Variants in KIF13A observed in about 807,000 individuals in gnomAD.
KIF13A encodes the protein kinesin-like protein KIF13A.
A neutral mutation model predicts 212.2 loss-of-function variants in KIF13A; 79 were observed. That is an observed-to-expected ratio of 0.37 (90% CI 0.31 to 0.45). KIF13A has a LOEUF of 0.45. Among genes scored for constraint, KIF13A ranks in the 20% least tolerant of loss-of-function variants. KIF13A has a pLI of 1.00. For synonymous variants in KIF13A, 789 were observed against 808.6 expected, an observed-to-expected ratio of 0.98 and a Z score of 0.41; for missense variants, 1,901 against 2,209.0, an observed-to-expected ratio of 0.86 and a Z score of 2.79.
At position 17,787,013 on chromosome 6, in the gene KIF13A, A is replaced by T. The variant is rs1427527856; in HGVS notation, c.3361+763T>A. Among the ~76,000 whole-genome samples, 2 of 152,146 alleles carry T rather than the reference A, an allele frequency of 1.3e-5. No homozygotes were observed. ...TAGCATAAGCAAACTGCACCCTTGG[A>T]GCTGAGTGGCAGTGAATAGAGTTGT... On this transcript the variant is annotated intron_variant, in intron 27 of 38. Coordinates refer to ENST00000259711, the MANE Select transcript of KIF13A (RefSeq NM_022113.6). The surrounding 1 kb of genome is among the most constrained non-coding windows in gnomAD (Gnocchi z 4.6).
intron 3 of KIF13A, among the ~76,000 whole-genome samples, chr6:17,885,791 C>T (rs867858366): frequency 2.9e-4 from 44 of 152,210 alleles, no homozygotes; most frequent in African/African-American, 1.0e-3. Context: ...CAATGAAGCA[C>T]TAATTCAGTT....
Position 17,871,736 on chromosome 6 carries a change from G to T in KIF13A, c.220+1641C>A, listed in dbSNP as rs183813747. Among the ~76,000 whole-genome samples the T allele has an allele frequency of 1.9e-4, 29 of 152,260 alleles. No individual in the cohort carries two copies. Among genetic ancestry groups the T allele is most frequent in the African/African-American group, 6.5e-4 (27 of 41,572 alleles). ...GTCCAAAGAGTATAGATTTTTTCTA[G>T]CATGTGATGAGGAGTCCTGGAAAGT... On this transcript the variant is annotated intron_variant, in intron 4 of 38. Coordinates refer to ENST00000259711, the MANE Select transcript of KIF13A (RefSeq NM_022113.6). This position sits in a 1 kb window ranked among gnomAD's most constrained non-coding sequence, Gnocchi z 4.4.
intron 6 of KIF13A, among the ~76,000 whole-genome samples, chr6:17,853,550 C>T (rs191840881): frequency 2.7e-4 from 41 of 152,274 alleles, no homozygotes; most frequent in Non-Finnish European, 4.0e-4. Flanking sequence ...TATAACAATG[C>T]TTTCAGAGCA....
chr6:17,774,019 T>G (rs1223309922), intron 35 of KIF13A, among the ~76,000 whole-genome samples: 1 of 152,176 alleles, frequency 6.6e-6, no homozygotes, highest in Non-Finnish European at 1.5e-5. Flanking sequence ...CAAGGCAAAT[T>G]TGGCAGTGTG....
chr6:17,977,306 A>G (rs953916241), intron 2 of KIF13A, among the ~76,000 whole-genome samples: 1 of 152,118 alleles, frequency 6.6e-6, no homozygotes, highest in East Asian at 1.9e-4. Context: ...AAATATGGAA[A>G]TTATCAACTT....
chr6:17,796,769 C>T lies in KIF13A; in HGVS notation c.2842G>A (p.Ala948Thr). The stretch of plus-strand genomic sequence containing the variant: ...TGGCCCCATACTTCAATGGCCAGTG[C>T]TCCATCTGAAATGAACTCCAGAAAT... ...EEFLEFISDG[A>T]LAIEVWGHRC... Residue 948 changes from alanine to threonine, a missense_variant, in exon 23 of 39, where the codon GCA becomes ACA. Around this residue, in one of 5 missense-constraint regions of KIF13A, gnomAD observed 534 missense variants for 536.9 expected, o/e 0.99. Coordinates refer to ENST00000259711, the MANE Select transcript of KIF13A (RefSeq NM_022113.6). 6.3e-7 allele frequency: 1 copy of T among 1,580,036 alleles called. No homozygotes were observed. Among genetic ancestry groups the T allele is most frequent in the African/African-American group, 1.4e-5 (1 of 73,216 alleles).
intron 2 of KIF13A, among the ~76,000 whole-genome samples, chr6:17,965,296 ATAAG>A (rs1385320420): frequency 1.3e-5 from 2 of 150,952 alleles, no homozygotes; most frequent in African/African-American, 4.9e-5. Context: ...TAGGTGATAA[ATAAG>A]TGTTGTTTCC....
chr6:17,958,497 T>C (rs1473972967), intron 2 of KIF13A, among the ~76,000 whole-genome samples: 1 of 152,210 alleles, frequency 6.6e-6, no homozygotes, highest in Admixed American at 6.5e-5. Context: ...ACACAGTCTG[T>C]GGCTTATAAC....
chr6:17,944,850 T>C (rs774093272), intron 2 of KIF13A, among the ~76,000 whole-genome samples: 7 of 152,188 alleles, frequency 4.6e-5, no homozygotes, highest in Middle Eastern at 6.8e-3. Context: ...AATTACTATC[T>C]ATAAAGAAAA....
chr6:17,906,907 G>A (rs2150497044), intron 2 of KIF13A, among the ~76,000 whole-genome samples: 1 of 152,284 alleles, frequency 6.6e-6, no homozygotes, highest in Non-Finnish European at 1.5e-5. Context: ...GACACTCATG[G>A]TCTGGATACA....
intron 17 of KIF13A, among the ~76,000 whole-genome samples, chr6:17,814,400 G>A (rs6912600): frequency 6.6e-6 from 1 of 151,784 alleles, no homozygotes; most frequent in African/African-American, 2.4e-5. Context: ...AGGTGCCCAC[G>A]ACCGCACCTG....
At chr6:17,767,628 T>G (rs996432629) in intron 38 of KIF13A, among the ~76,000 whole-genome samples, 1 of 152,206 alleles carries the variant, frequency 6.6e-6, no homozygotes, top group African/African-American at 2.4e-5. Flanking sequence ...ATTCTCCAAG[T>G]CCAAGCATAC....
At chr6:17,880,710 C>G (rs1770990701) in intron 3 of KIF13A, among the ~76,000 whole-genome samples, 1 of 150,406 alleles carries the variant, frequency 6.6e-6, no homozygotes, top group African/African-American at 2.4e-5. Context: ...TCACAGTTCA[C>G]TGTAACCTCA....
chr6:17,889,463 TAAACA>T (rs1359841199), intron 3 of KIF13A, among the ~76,000 whole-genome samples: 1 of 152,184 alleles, frequency 6.6e-6, no homozygotes, highest in East Asian at 1.9e-4. Context: ...TATAAGATAC[TAAACA>T]AAACAATTGT....
chr6:17,784,701 G>A lies in KIF13A; in HGVS notation c.3488+814C>T, dbSNP rs549802250. 3.3e-5 allele frequency among the ~76,000 whole-genome samples: 5 copies of A among 152,226 alleles called. No individual in the cohort carries two copies. The East Asian group carries it at 7.7e-4, about 24-fold the overall frequency. On this transcript the variant is annotated intron_variant, in intron 28 of 38. Coordinates refer to ENST00000259711, the MANE Select transcript of KIF13A (RefSeq NM_022113.6). ...AAACTGTCTAGAGAGGGCTTTGAGGGCCAGAACAAGATTGGGGTGAGTAGG... is the reference window on the plus strand; with the variant it reads ...AAACTGTCTAGAGAGGGCTTTGAGGACCAGAACAAGATTGGGGTGAGTAGG...
chr6:17,791,376 T>G (rs531386270), intron 25 of KIF13A, among the ~76,000 whole-genome samples: 1 of 152,124 alleles, frequency 6.6e-6, no homozygotes, highest in East Asian at 1.9e-4. Context: ...ATTCTTTTTT[T>G]TTTTTTTGCA....
rs756781706 is a variant in KIF13A, at chr6:17,799,136, A to C, written c.2790+130T>G. The C allele has an allele frequency of 2.1e-4, 105 of 494,496 alleles. No individual in the cohort carries two copies. Among genetic ancestry groups the C allele is most frequent in the Middle Eastern group, 5.6e-4 (1 of 1,788 alleles). 30.6% of individuals were successfully genotyped at this position (494,496 alleles called of 1,614,324 possible). ...AAACTATTTGCATTTGTAATGAGGTACATTTTTGAGGTTAAAACATCTAAT... is the reference window on the plus strand; with the variant it reads ...AAACTATTTGCATTTGTAATGAGGTCCATTTTTGAGGTTAAAACATCTAAT... On this transcript the variant is annotated intron_variant, in intron 22 of 38. Transcript: ENST00000259711. This position sits in a 1 kb window ranked among gnomAD's most constrained non-coding sequence, Gnocchi z 4.4.
intron 2 of KIF13A, among the ~76,000 whole-genome samples, chr6:17,975,864 T>C (rs1283901559): frequency 6.6e-6 from 1 of 152,120 alleles, no homozygotes; most frequent in East Asian, 1.9e-4. Flanking sequence ...AATTGGTGTT[T>C]ACAAACCTTG....
intron 3 of KIF13A, among the ~76,000 whole-genome samples, chr6:17,896,511 C>G (rs1159309699): frequency 6.6e-6 from 1 of 152,080 alleles, no homozygotes; most frequent in Admixed American, 6.6e-5. Context: ...TTATTTGATT[C>G]TATTGTGTCA....
Sources: allele counts gnomAD v4.1 joint callset (sites outside exome capture counted in the v4.1 genomes callset), GRCh38; gene constraint gnomAD v4.1.1; regional missense constraint gnomAD v4.1.1; non-coding constraint Gnocchi (gnomAD v3.1); transcripts MANE v1.5; gene names NCBI Gene and HGNC (gene_info 2026-07-23, HGNC 2026-07-21).